Variants in NEBL observed in about 807,000 individuals in gnomAD.
NEBL encodes the protein nebulette.
NEBL carries 122 observed loss-of-function variants against 140.2 expected under a neutral mutation model. The observed-to-expected ratio is 0.87, with a 90% CI of 0.75 to 1.01. The LOEUF (loss-of-function observed/expected upper bound fraction) is 1.01. Ranked by LOEUF, NEBL falls within the 50% of genes least tolerant of loss-of-function variation. NEBL has a pLI of 0.00. For synonymous variants in NEBL, 436 were observed against 398.9 expected (o/e 1.09, Z -1.11); for missense variants, 1,365 against 1,231.3 (o/e 1.11, Z -1.62).
At chr10:20,820,647 G>A (rs1050063337) in intron 19 of NEBL, among the ~76,000 whole-genome samples, 1 of 152,094 alleles carries the variant, frequency 6.6e-6, no homozygotes, top group Non-Finnish European at 1.5e-5. Flanking sequence ...CCAACATGGT[G>A]AAACCTCATC....
upstream of NEBL, among the ~76,000 whole-genome samples, chr10:20,900,301 C>CCT (rs1471182390): frequency 1.3e-5 from 2 of 152,184 alleles, no homozygotes; most frequent in African/African-American, 4.8e-5. Flanking sequence ...TCTGCCATGT[C>CCT]CTCTAGGGCA....
At chr10:21,008,180 A>G (rs1024480053) in intron 3 of NEBL, among the ~76,000 whole-genome samples, 6 of 152,216 alleles carry the variant, frequency 3.9e-5, no homozygotes, top group African/African-American at 1.4e-4. Context: ...ATGTAAAAAC[A>G]TGCATATATT....
At chr10:20,919,605 C>T (rs1326220885) in intron 4 of NEBL, among the ~76,000 whole-genome samples, 1 of 152,010 alleles carries the variant, frequency 6.6e-6, no homozygotes, top group African/African-American at 2.4e-5. Context: ...AAGGACAACC[C>T]CTTAATAAAT....
At chr10:21,235,608 C>T (rs1488892617) in intron 3 of NEBL, among the ~76,000 whole-genome samples, 1 of 152,184 alleles carries the variant, frequency 6.6e-6, no homozygotes, top group Non-Finnish European at 1.5e-5. Flanking sequence ...AGCCACTGCG[C>T]CAGGCCCATA....
chr10:21,029,685 T>C (rs1354604392), intron 2 of NEBL: 24 of 1,095,552 alleles, frequency 2.2e-5, no homozygotes, highest in Non-Finnish European at 3.1e-5. Context: ...ATCGTTATGA[T>C]TCAGACCAGT....
chr10:21,204,053 A>T (rs1274736239), intron 3 of NEBL, among the ~76,000 whole-genome samples: 1 of 152,216 alleles, frequency 6.6e-6, no homozygotes, highest in Non-Finnish European at 1.5e-5. Flanking sequence ...CAAGCTGTTT[A>T]TCGGAGATGT....
At chr10:21,276,379 C>A (rs1230273010) in intron 1 of NEBL, among the ~76,000 whole-genome samples, 2 of 152,190 alleles carry the variant, frequency 1.3e-5, no homozygotes, top group Non-Finnish European at 2.9e-5. Flanking sequence ...CCCACCACAA[C>A]CCTCCACCCA....
chr10:21,198,921 C>A (rs140494295), intron 3 of NEBL, among the ~76,000 whole-genome samples: 47 of 152,028 alleles, frequency 3.1e-4, no homozygotes, highest in African/African-American at 8.4e-4. Flanking sequence ...AAACTGGTAC[C>A]CAATTACCTT....
At chr10:21,079,073 T>C (rs1278746638) in intron 2 of NEBL, among the ~76,000 whole-genome samples, 1 of 152,198 alleles carries the variant, frequency 6.6e-6, no homozygotes, top group African/African-American at 2.4e-5. Context: ...CTTAGGACTT[T>C]CCCTAGCTTT....
chr10:20,864,491 A>G (rs1844060678), intron 7 of NEBL, among the ~76,000 whole-genome samples: 1 of 152,174 alleles, frequency 6.6e-6, no homozygotes, highest in Non-Finnish European at 1.5e-5. Context: ...AGTTCAATTT[A>G]CAGATAAAAG....
intron 24 of NEBL, 51 bp from the exon 25 acceptor site, chr10:20,809,949 G>GCAA: frequency 5.1e-6 from 3 of 586,456 alleles, no homozygotes; most frequent in Non-Finnish European, 7.7e-6. Flanking sequence ...ATTTAAAAAA[G>GCAA]GAAAAAAAAA....
chr10:21,213,659 TG>T (rs985088670), intron 3 of NEBL, among the ~76,000 whole-genome samples: 6 of 152,178 alleles, frequency 3.9e-5, no homozygotes, highest in African/African-American at 1.4e-4. Flanking sequence ...GGAGAAGGCC[TG>T]GGGCGACCTG....
At chr10:21,035,799 TTTTAAATGTACATA>T (rs1833991741) in intron 2 of NEBL, among the ~76,000 whole-genome samples, 1 of 152,134 alleles carries the variant, frequency 6.6e-6, no homozygotes, top group Non-Finnish European at 1.5e-5. Context: ...GCTGAAATAT[TTTTAAATGTACATA>T]TATACATATA....
chr10:20,898,386 C>A (rs1328604054), upstream of NEBL, among the ~76,000 whole-genome samples: 1 of 151,892 alleles, frequency 6.6e-6, no homozygotes, highest in Non-Finnish European at 1.5e-5. Flanking sequence ...GTATGTCATT[C>A]TAAGTAGCCA....
At chr10:21,153,046 C>G (rs1840202862) in intron 2 of NEBL, among the ~76,000 whole-genome samples, 1 of 152,154 alleles carries the variant, frequency 6.6e-6, no homozygotes, top group African/African-American at 2.4e-5. Flanking sequence ...AATTGTCCAC[C>G]CCACATCACG....
In NEBL at chr10:20,812,930, T is replaced by A; in HGVS notation, c.2357A>T (p.His786Leu). 1 of 1,613,774 alleles carries A rather than the reference T, an allele frequency of 6.2e-7. No homozygotes were observed. The highest frequency in any genetic ancestry group is 8.5e-7 in the Non-Finnish European group (1 of 1,179,784). The change falls in exon 24 of 28, where the codon CAT (histidine) becomes CTT (leucine). Residue 786 changes from histidine (H) to leucine (L), a missense_variant. His to Leu is a moderately conservative substitution (Grantham distance 99). Transcript: ENST00000377122. ...AQNHISMVKYHEDFEKTKGRG... is the reference protein window; with the variant it reads ...AQNHISMVKYLEDFEKTKGRG... ...CCCCTTTGTTTTTTCAAAATCTTCA[T>A]GGTATTTTACCTGAAAAAGGAAAAA... is the stretch of plus-strand genomic sequence containing the variant.
intron 2 of NEBL, among the ~76,000 whole-genome samples, chr10:21,037,592 T>C (rs1656057386): frequency 1.3e-5 from 2 of 152,150 alleles, no homozygotes; most frequent in African/African-American, 4.8e-5. Context: ...TAGGGAGTGA[T>C]GAAATGTTCC....
chr10:21,106,942 G>C (rs911411892), intron 2 of NEBL, among the ~76,000 whole-genome samples: 2 of 152,120 alleles, frequency 1.3e-5, no homozygotes, highest in African/African-American at 4.8e-5. Context: ...TATTCTCTTT[G>C]TAGTAATTGT....
At chr10:21,082,293 C>A (rs1374295565) in intron 2 of NEBL, among the ~76,000 whole-genome samples, 2 of 151,930 alleles carry the variant, frequency 1.3e-5, no homozygotes, top group African/African-American at 4.8e-5. Context: ...GGGCAAGTGG[C>A]AAAACTTTAA....
Sources: allele counts gnomAD v4.1 joint callset (sites outside exome capture counted in the v4.1 genomes callset), GRCh38; gene constraint gnomAD v4.1.1; transcripts MANE v1.5; gene names NCBI Gene and HGNC (gene_info 2026-07-23, HGNC 2026-07-21).